The following DCBLD1 variants were observed in gnomAD, a reference collection of about 807,000 sequenced individuals.
The protein encoded by DCBLD1 is discoidin, CUB and LCCL domain-containing protein 1.
In DCBLD1, 57 loss-of-function variants were observed where a neutral mutation model predicts 71.5. The observed-to-expected ratio is 0.80, with a 90% CI of 0.64 to 0.99. DCBLD1 has a LOEUF of 0.99. DCBLD1 is among the 50% of genes least tolerant of loss of function. The probability of loss-of-function intolerance (pLI) is 0.00; values close to 1 mark genes in which losing one functional copy is unlikely to be tolerated. For synonymous variants in DCBLD1, 380 were observed against 363.8 expected (o/e 1.04, Z -0.51); for missense variants, 891 against 923.5 (o/e 0.96, Z 0.46).
intron 2 of DCBLD1, among the ~76,000 whole-genome samples, chr6:117,517,695 A>G (rs1292764577): frequency 1.3e-5 from 2 of 152,172 alleles, no homozygotes; most frequent in Non-Finnish European, 2.9e-5. Flanking sequence ...TGCAGGCTCA[A>G]CACCACATGG....
chr6:117,527,062 T>G (rs1261579722), intron 5 of DCBLD1, among the ~76,000 whole-genome samples: 2 of 152,174 alleles, frequency 1.3e-5, no homozygotes, highest in African/African-American at 4.8e-5. Flanking sequence ...TTCCTGGATT[T>G]TGGCTGGAGG....
In DCBLD1 at chr6:117,547,890, C is replaced by T. The variant is rs1218551787; in HGVS notation, c.1616-17C>T. On this transcript the variant is annotated splice_polypyrimidine_tract_variant and intron_variant, in intron 14 of 14. Transcript: ENST00000338728. ...GTGTGTGGTGCCCGCTAGCTGCCAT[C>T]TGTCTTGTGGTTTCAGATTACCAGC... is the stretch of plus-strand genomic sequence containing the variant. The T allele has an allele frequency of 1.3e-6, 2 of 1,550,470 alleles. No homozygotes were observed. Among genetic ancestry groups the T allele is most frequent in the Non-Finnish European group, 8.7e-7 (1 of 1,146,904 alleles).
At chr6:117,517,515 G>T (rs1471677046) in intron 2 of DCBLD1, among the ~76,000 whole-genome samples, 1 of 152,338 alleles carries the variant, frequency 6.6e-6, no homozygotes, top group South Asian at 2.1e-4. Flanking sequence ...ACCCCAGTAG[G>T]TACTCTGTGT....
chr6:117,508,526 A>G (rs1300117572), intron 2 of DCBLD1, among the ~76,000 whole-genome samples: 2 of 152,192 alleles, frequency 1.3e-5, no homozygotes, highest in Non-Finnish European at 2.9e-5. Flanking sequence ...ATTCATACTA[A>G]AGATACTACT....
At chr6:117,542,678 T>C (rs2114559354) in intron 11 of DCBLD1, among the ~76,000 whole-genome samples, 1 of 152,298 alleles carries the variant, frequency 6.6e-6, no homozygotes, top group African/African-American at 2.4e-5. Flanking sequence ...TTCCAGACTA[T>C]TGTTATGGTA....
At chr6:117,496,298 TA>T (rs1189277970) in intron 1 of DCBLD1, among the ~76,000 whole-genome samples, 1 of 152,238 alleles carries the variant, frequency 6.6e-6, no homozygotes, top group Admixed American at 6.5e-5. Context: ...TTTGAATAAT[TA>T]TTTTGTTTTA....
intron 11 of DCBLD1, 111 bp from the exon 12 acceptor site, chr6:117,543,013 C>T: frequency 1.2e-6 from 1 of 839,600 alleles, no homozygotes; most frequent in Admixed American, 1.8e-5. Context: ...TATTCATTTT[C>T]CCCCTATATT....
rs1779384267 is a variant in DCBLD1, at chr6:117,549,415, A to G, written c.*976A>G. On this transcript the variant is annotated 3_prime_UTR_variant, in exon 15 of 15. Transcript: ENST00000338728. The stretch of plus-strand genomic sequence containing the variant: ...AACTGTTGGAAACTGATCTCATTTT[A>G]TAAGAAATGATTTTCCCCTCAAGGA... The G allele has an allele frequency of 2.0e-6, 2 of 985,318 alleles. No homozygotes were observed. Among genetic ancestry groups the G allele is most frequent in the Non-Finnish European group, 2.4e-6 (2 of 829,936 alleles). 61.0% of individuals were successfully genotyped at this position (985,318 alleles called of 1,614,324 possible). A position where few individuals can be genotyped will look rare whatever the true frequency, so the allele number is the denominator to read the frequency against.
downstream of DCBLD1, among the ~76,000 whole-genome samples, chr6:117,550,778 C>T (rs762458017): frequency 2.6e-5 from 4 of 152,146 alleles, no homozygotes; most frequent in Non-Finnish European, 4.4e-5. Context: ...GTGTGGCCAC[C>T]GGGTTGACCT....
intron 14 of DCBLD1, chr6:117,561,584 TG>T (rs778643657): frequency 2.7e-4 from 57 of 209,852 alleles, no homozygotes; most frequent in Non-Finnish European, 4.3e-4. Flanking sequence ...AAAAACAAGT[TG>T]TTTTTTTTCT....
chr6:117,533,722 G>A (rs1490715817), intron 6 of DCBLD1, among the ~76,000 whole-genome samples: 1 of 152,166 alleles, frequency 6.6e-6, no homozygotes, highest in Non-Finnish European at 1.5e-5. Flanking sequence ...GCATTTAGAA[G>A]CAGTAACTGA....
intron 14 of DCBLD1, among the ~76,000 whole-genome samples, chr6:117,555,845 G>T (rs1001327451): frequency 6.6e-6 from 1 of 152,172 alleles, no homozygotes; most frequent in Non-Finnish European, 1.5e-5. Context: ...AAAAATAATT[G>T]TTGGAATAGG....
intron 1 of DCBLD1, among the ~76,000 whole-genome samples, chr6:117,496,630 G>A (rs557469462): frequency 6.6e-6 from 1 of 152,154 alleles, no homozygotes; most frequent in Non-Finnish European, 1.5e-5. Flanking sequence ...TTGTATATGT[G>A]TTGAGACCTG....
chr6:117,492,492 A>AAAGAAGTC (rs1218205035), intron 1 of DCBLD1, among the ~76,000 whole-genome samples: 1 of 152,198 alleles, frequency 6.6e-6, no homozygotes. Context: ...AAAAGTTAGA[A>AAAGAAGTC]AAGAAGTCAT....
chr6:117,525,917 T>C (rs1488480818), intron 5 of DCBLD1, among the ~76,000 whole-genome samples: 1 of 152,226 alleles, frequency 6.6e-6, no homozygotes, highest in African/African-American at 2.4e-5. Context: ...AATACATTGT[T>C]CCTGCATGTT....
At chr6:117,507,401 A>G (rs1046952880) in intron 2 of DCBLD1, among the ~76,000 whole-genome samples, 10 of 152,210 alleles carry the variant, frequency 6.6e-5, no homozygotes, top group African/African-American at 1.2e-4. Context: ...TCTGTTTGTC[A>G]TATATTATAA....
At chr6:117,520,203 C>A (rs1484749132) in intron 3 of DCBLD1, among the ~76,000 whole-genome samples, 1 of 152,130 alleles carries the variant, frequency 6.6e-6, no homozygotes, top group South Asian at 2.1e-4. Context: ...ATAAAATACA[C>A]TAACAATAGC....
chr6:117,539,531 C>T, intron 9 of DCBLD1, 152 bp downstream of exon 9: 1 of 867,234 alleles, frequency 1.2e-6, no homozygotes, highest in Non-Finnish European at 1.6e-6. Flanking sequence ...TTTGGGAAGC[C>T]AAGGCAGGAG....
rs112943745 is a variant in DCBLD1 at position 117,548,133 on chromosome 6, G to A, written c.1842G>A (p.Thr614=). Reference sequence around the variant, plus strand: ...AGCGGCACGTGCTGCGCGCCCACACGTTCTCTGCGCAGAGCGGCTACCGCG... The same window carrying A: ...AGCGGCACGTGCTGCGCGCCCACACATTCTCTGCGCAGAGCGGCTACCGCG... The part of the protein sequence containing the change: ...IVERHVLRAH[T]FSAQSGYRVP... Residue 614 remains threonine, a synonymous_variant, in exon 15 of 15, where the codon ACG becomes ACA. Transcript: ENST00000338728. 15 of 1,549,948 alleles carry A rather than the reference G, an allele frequency of 9.7e-6. No individual in the cohort carries two copies. The highest frequency in any genetic ancestry group is 2.4e-5 in the East Asian group (1 of 40,904).
Sources: gnomAD v4.1 joint callset for allele counts (sites outside exome capture counted in the v4.1 genomes callset) on GRCh38, gnomAD v4.1.1 for gene constraint, MANE v1.5 for transcripts, NCBI Gene and HGNC (gene_info 2026-07-23, HGNC 2026-07-21) for gene names.